ITPRID1: variants seen among roughly 807,000 people sequenced by gnomAD.
ITPRID1 encodes the protein ITPR interacting domain containing 1.
Under a neutral mutation model 95.4 loss-of-function variants are expected in ITPRID1, and 96 were observed. That is an observed-to-expected ratio of 1.01 (90% CI 0.85 to 1.19). ITPRID1 has a LOEUF of 1.19. ITPRID1 is among the 50% of genes most tolerant of loss of function. The pLI, the probability that ITPRID1 is intolerant of heterozygous loss-of-function variation, is 0.00. For missense variants in ITPRID1, 1,339 were observed against 1,252.9 expected, an observed-to-expected ratio of 1.07 and a Z score of -1.04; for synonymous variants, 510 against 453.6, an observed-to-expected ratio of 1.12 and a Z score of -1.58.
chr7:31,647,507 C>CA lies in ITPRID1; in HGVS notation c.2583+3571dup, dbSNP rs35796110. On this transcript the variant is annotated intron_variant, in intron 12 of 14. Transcript: ENST00000615280. ...CAAAACCCCGTCTCCATTAAAACTA[C>CA]AAAAAAAAAAAAAAAAATTAACTGG... is the stretch of plus-strand genomic sequence containing the variant. Among the ~76,000 whole-genome samples, 368 of 139,808 alleles carry CA rather than the reference C, an allele frequency of 2.6e-3. 2 individuals carry two copies. The highest frequency in any genetic ancestry group is 9.0e-3 in the African/African-American group (339 of 37,500). The allele number at this position is 139,808 out of a possible 152,430, so 91.7% of individuals were successfully genotyped here.
chr7:31,559,429 G>T (rs1370376105), intron 5 of ITPRID1, among the ~76,000 whole-genome samples: 1 of 152,180 alleles, frequency 6.6e-6, no homozygotes, highest in Non-Finnish European at 1.5e-5. Context: ...GGGAAGTCAA[G>T]GTGGGCAGAT....
chr7:31,577,702 A>G (rs1202879569), intron 8 of ITPRID1, among the ~76,000 whole-genome samples, 161 bp from the exon 9 acceptor site: 1 of 152,198 alleles, frequency 6.6e-6, no homozygotes, highest in Non-Finnish European at 1.5e-5. Flanking sequence ...CATCTCCATA[A>G]TAGTAATGGC....
intron 10 of ITPRID1, among the ~76,000 whole-genome samples, chr7:31,599,859 C>T (rs1786315223): frequency 6.6e-6 from 1 of 151,836 alleles, no homozygotes; most frequent in Non-Finnish European, 1.5e-5. Context: ...CCACGCCCGG[C>T]TAAGTTTTTT....
At chr7:31,539,679 C>T (rs1038168992) in intron 1 of ITPRID1, among the ~76,000 whole-genome samples, 63 of 152,148 alleles carry the variant, frequency 4.1e-4, no homozygotes, top group African/African-American at 1.4e-3. Flanking sequence ...GGAGATAAAC[C>T]TGAGAGGGGC....
chr7:31,594,409 C>T (rs1401583187), intron 10 of ITPRID1, among the ~76,000 whole-genome samples: 3 of 152,014 alleles, frequency 2.0e-5, no homozygotes, highest in African/African-American at 7.2e-5. Flanking sequence ...TATAAGGAAC[C>T]GTTAATGGTG....
At chr7:31,571,529 C>T (rs1197621108) in intron 6 of ITPRID1, among the ~76,000 whole-genome samples, 1 of 152,142 alleles carries the variant, frequency 6.6e-6, no homozygotes, top group Non-Finnish European at 1.5e-5. Flanking sequence ...TGACAGGGTT[C>T]CACTCTCTTT....
intron 9 of ITPRID1, 39 bp downstream of exon 9, chr7:31,578,473 T>A (rs1453372895): frequency 1.1e-5 from 16 of 1,445,260 alleles, no homozygotes; most frequent in Non-Finnish European, 1.4e-5. Flanking sequence ...CTAAGGGAAA[T>A]AACCTTCACT....
intron 1 of ITPRID1, among the ~76,000 whole-genome samples, chr7:31,531,759 C>T (rs1783604890): frequency 6.6e-6 from 1 of 152,102 alleles, no homozygotes; most frequent in African/African-American, 2.4e-5. Context: ...GGCTTTCCCA[C>T]AGGGGTTGTG....
chr7:31,514,233 A>G (rs1388219614), intron 1 of ITPRID1, 113 bp downstream of exon 1: 1 of 152,080 alleles, frequency 6.6e-6, no homozygotes, highest in Non-Finnish European at 1.5e-5. Flanking sequence ...AAACTTTTGT[A>G]TGTGTGTGCT....
At chr7:31,519,404 C>T (rs1783145846) in intron 1 of ITPRID1, among the ~76,000 whole-genome samples, 1 of 151,680 alleles carries the variant, frequency 6.6e-6, no homozygotes, top group African/African-American at 2.4e-5. Flanking sequence ...AACTGTGTCT[C>T]CTCTGTCAAT....
At chr7:31,628,391 G>A (rs1380635170) in intron 10 of ITPRID1, among the ~76,000 whole-genome samples, 1 of 152,062 alleles carries the variant, frequency 6.6e-6, no homozygotes, top group Admixed American at 6.6e-5. Flanking sequence ...GATGGAGCCA[G>A]GAATCCCACA....
chr7:31,613,251 C>A (rs979734477), intron 10 of ITPRID1, among the ~76,000 whole-genome samples: 1 of 152,118 alleles, frequency 6.6e-6, no homozygotes, highest in Non-Finnish European at 1.5e-5. Flanking sequence ...TAAAGTGCCA[C>A]GAAGTTCACT....
At chr7:31,637,870 G>A (rs761090513) in intron 10 of ITPRID1, among the ~76,000 whole-genome samples, 5 of 152,138 alleles carry the variant, frequency 3.3e-5, no homozygotes, top group African/African-American at 4.8e-5. Context: ...ATGGTTTTAG[G>A]TCTAACATGT....
At chr7:31,529,201 G>T (rs1429880859) in intron 1 of ITPRID1, among the ~76,000 whole-genome samples, 1 of 152,162 alleles carries the variant, frequency 6.6e-6, no homozygotes, top group Non-Finnish European at 1.5e-5. Flanking sequence ...TTTTCCAATA[G>T]AATTTCCAGT....
chr7:31,629,176 A>G (rs1165489433), intron 10 of ITPRID1, among the ~76,000 whole-genome samples: 3 of 152,236 alleles, frequency 2.0e-5, no homozygotes, highest in Non-Finnish European at 4.4e-5. Flanking sequence ...CTTCCAGGAC[A>G]TTGCATGCAC....
At chr7:31,541,959 A>C (rs192878097) in intron 1 of ITPRID1, among the ~76,000 whole-genome samples, 1 of 152,154 alleles carries the variant, frequency 6.6e-6, no homozygotes, top group African/African-American at 2.4e-5. Flanking sequence ...TACACACAGA[A>C]TTTCCTTTAC....
intron 7 of ITPRID1, among the ~76,000 whole-genome samples, chr7:31,573,091 G>A (rs1785048371): frequency 6.6e-6 from 1 of 152,006 alleles, no homozygotes; most frequent in Non-Finnish European, 1.5e-5. Context: ...TGATTCCCCT[G>A]GTAATCCCAT....
In ITPRID1 at chr7:31,656,027, A is replaced by G. The variant is rs914214640; in HGVS notation, c.*3198A>G. ...TCTCCTTTGCTGAAACAAATGAAGT[A>G]TCTCACCAGTAAGTCCTAGGGCAGA... On this transcript the variant is annotated 3_prime_UTR_variant, in exon 15 of 15. Transcript: ENST00000615280. The G allele has an allele frequency of 1.0e-6, 1 of 984,378 alleles. No individual in the cohort carries two copies. Among genetic ancestry groups the G allele is most frequent in the African/African-American group, 1.7e-5 (1 of 57,220 alleles). 61.0% of individuals were successfully genotyped at this position (984,378 alleles called of 1,614,324 possible).
chr7:31,518,603 G>T (rs117237574), intron 1 of ITPRID1, among the ~76,000 whole-genome samples: 3 of 152,030 alleles, frequency 2.0e-5, no homozygotes, highest in African/African-American at 7.2e-5. Context: ...TTAATCTCAG[G>T]TCCAAGGAAA....
Sources: gnomAD v4.1 joint callset for allele counts (sites outside exome capture counted in the v4.1 genomes callset) on GRCh38, gnomAD v4.1.1 for gene constraint, MANE v1.5 for transcripts, NCBI Gene and HGNC (gene_info 2026-07-23, HGNC 2026-07-21) for gene names.